The following PIBF1 variants were observed in gnomAD, a reference collection of about 807,000 sequenced individuals.
The protein encoded by PIBF1 is progesterone-induced-blocking factor 1.
In PIBF1, 90 loss-of-function variants were observed where a neutral mutation model predicts 112.5. That is an observed-to-expected ratio of 0.80 (90% confidence interval 0.67 to 0.95). The LOEUF is 0.95. PIBF1 is among the 40% of genes least tolerant of loss of function. PIBF1 has a pLI of 0.00. For missense variants in PIBF1, 915 were observed against 852.3 expected (o/e 1.07, Z -0.92); for synonymous variants, 301 against 288.6 (o/e 1.04, Z -0.44).
chr13:72,899,355 A>G (rs2040400209), intron 11 of PIBF1, among the ~76,000 whole-genome samples: 1 of 152,216 alleles, frequency 6.6e-6, no homozygotes. Context: ...TTTGATGAAC[A>G]TAAATGCTAA....
rs2043209148 is a variant in PIBF1, at chr13:72,983,749, T to C, written c.2049+10074T>C. On this transcript the variant is annotated intron_variant, in intron 16 of 17. Transcript: ENST00000326291. ...CCAACAAATTGCATTTTTCTTTATG[T>C]GTGTCACTCTTTCGGTTCATACTTA... is the stretch of plus-strand genomic sequence containing the variant. Among the ~76,000 whole-genome samples the C allele has an allele frequency of 2.0e-5, 3 of 152,334 alleles. No homozygotes were observed. In the South Asian group the frequency reaches 6.2e-4, roughly 32 times the overall value.
intron 17 of PIBF1, among the ~76,000 whole-genome samples, chr13:73,013,161 C>G (rs1359610739): frequency 1.3e-5 from 2 of 151,352 alleles, no homozygotes; most frequent in African/African-American, 4.9e-5. Flanking sequence ...ATTAGCCGGG[C>G]GTGGTGGCGG....
At chr13:72,786,759 A>G (rs1167811312) in intron 2 of PIBF1, among the ~76,000 whole-genome samples, 1 of 152,198 alleles carries the variant, frequency 6.6e-6, no homozygotes, top group Non-Finnish European at 1.5e-5. Flanking sequence ...GCCCTGCTGT[A>G]TATTAGTAGA....
chr13:72,797,776 T>G (rs1593908502), intron 4 of PIBF1, 131 bp from the exon 5 acceptor site: 10 of 624,720 alleles, frequency 1.6e-5, no homozygotes, highest in Non-Finnish European at 2.7e-6. Flanking sequence ...GTGGCTAGGG[T>G]CCATTAATGA....
chr13:72,944,690 G>A (rs2042103316), intron 14 of PIBF1, among the ~76,000 whole-genome samples: 2 of 152,172 alleles, frequency 1.3e-5, no homozygotes, highest in East Asian at 1.9e-4. Flanking sequence ...AACATAAACA[G>A]TGAATGTTCT....
At chr13:72,880,217 T>G (rs1173233682) in intron 10 of PIBF1, among the ~76,000 whole-genome samples, 2 of 152,210 alleles carry the variant, frequency 1.3e-5, no homozygotes, top group African/African-American at 4.8e-5. Context: ...TTGGTAAGGA[T>G]AAGATGTTAC....
At chr13:72,797,132 A>C (rs1422782412) in intron 4 of PIBF1, among the ~76,000 whole-genome samples, 1 of 152,146 alleles carries the variant, frequency 6.6e-6, no homozygotes, top group Non-Finnish European at 1.5e-5. Flanking sequence ...AATGGAAGTA[A>C]TGATGTGAAA....
At chr13:72,917,629 C>T (rs1185702003) in intron 13 of PIBF1, among the ~76,000 whole-genome samples, 1 of 152,108 alleles carries the variant, frequency 6.6e-6, no homozygotes, top group Non-Finnish European at 1.5e-5. Flanking sequence ...TTAGAAGACC[C>T]ACTAGTTATC....
intron 14 of PIBF1, among the ~76,000 whole-genome samples, chr13:72,963,549 G>C (rs2042661435): frequency 6.6e-6 from 1 of 152,048 alleles, no homozygotes; most frequent in African/African-American, 2.4e-5. Context: ...AGCTGAGATC[G>C]CACCACTGCA....
At chr13:72,849,333 T>G (rs1455851915) in intron 9 of PIBF1, among the ~76,000 whole-genome samples, 2 of 152,246 alleles carry the variant, frequency 1.3e-5, no homozygotes, top group East Asian at 1.9e-4. Flanking sequence ...GGTTTGGACT[T>G]CTAAAACTTG....
At chr13:72,960,175 G>C (rs2042566880) in intron 14 of PIBF1, among the ~76,000 whole-genome samples, 1 of 152,176 alleles carries the variant, frequency 6.6e-6, no homozygotes, top group African/African-American at 2.4e-5. Context: ...TTATTATCCA[G>C]AGTAAGGCGG....
At chr13:72,947,613 T>G (rs2042183876) in intron 14 of PIBF1, among the ~76,000 whole-genome samples, 1 of 152,208 alleles carries the variant, frequency 6.6e-6, no homozygotes, top group Admixed American at 6.5e-5. Flanking sequence ...TCTTGAATGC[T>G]TTGCCTCTTA....
At position 72,943,951 on chromosome 13, in the gene PIBF1, A is replaced by G. The variant is rs1007100986; in HGVS notation, c.1833+12684A>G. On this transcript the variant is annotated intron_variant, in intron 14 of 17. Transcript: ENST00000326291. ...TCCAAAATGAGAGAGGGTTCAATCT[A>G]AGATGAGCACTTAGCACACTAACTG... is the stretch of plus-strand genomic sequence containing the variant. 1.7e-4 allele frequency among the ~76,000 whole-genome samples: 26 copies of G among 152,222 alleles called. 1 individual carries two copies.
At chr13:72,985,482 T>C (rs2043259336) in intron 16 of PIBF1, among the ~76,000 whole-genome samples, 1 of 150,840 alleles carries the variant, frequency 6.6e-6, no homozygotes, top group Non-Finnish European at 1.5e-5. Flanking sequence ...GAGCTTGCAG[T>C]GCAGTGAGCC....
At chr13:72,814,431 G>A (rs1365509951) in intron 5 of PIBF1, among the ~76,000 whole-genome samples, 5 of 120,346 alleles carry the variant, frequency 4.2e-5, no homozygotes, top group East Asian at 2.3e-4. Context: ...GCAAGACTTC[G>A]TCTCAAAAAA....
At chr13:72,925,838 G>A (rs1012527831) in intron 13 of PIBF1, among the ~76,000 whole-genome samples, 9 of 151,850 alleles carry the variant, frequency 5.9e-5, no homozygotes, top group East Asian at 1.9e-4. Context: ...CACCGCACCC[G>A]GCCCTGTTTT....
chr13:72,810,792 A>C (rs1566299620), intron 5 of PIBF1, among the ~76,000 whole-genome samples: 1 of 152,218 alleles, frequency 6.6e-6, no homozygotes, highest in Non-Finnish European at 1.5e-5. Flanking sequence ...AGCATTGCTT[A>C]AAATTTAGAT....
chr13:72,961,967 C>A (rs540233587), intron 14 of PIBF1, among the ~76,000 whole-genome samples: 3 of 151,504 alleles, frequency 2.0e-5, no homozygotes, highest in East Asian at 3.9e-4. Context: ...GTCTTCTATC[C>A]TGAAAAAAAA....
intron 9 of PIBF1, among the ~76,000 whole-genome samples, chr13:72,849,640 C>G (rs1354973917): frequency 6.6e-6 from 1 of 152,154 alleles, no homozygotes; most frequent in Non-Finnish European, 1.5e-5. Context: ...ATTTTGATTT[C>G]CCATCTATTG....
Sources: allele counts gnomAD v4.1 joint callset (sites outside exome capture counted in the v4.1 genomes callset), GRCh38; gene constraint gnomAD v4.1.1; transcripts MANE v1.5; gene names NCBI Gene and HGNC (gene_info 2026-07-23, HGNC 2026-07-21).